TIMP3: variants seen among roughly 807,000 people sequenced by gnomAD.
The protein encoded by TIMP3 is metalloproteinase inhibitor 3.
A neutral mutation model predicts 30.0 loss-of-function variants in TIMP3; 11 were observed. The ratio of observed to expected loss-of-function variants is 0.37; its 90% confidence interval spans 0.23 to 0.61. The LOEUF is 0.61. Ranked by LOEUF, TIMP3 falls within the 20% of genes least tolerant of loss-of-function variation. The pLI is 0.70. For synonymous variants in TIMP3, 112 were observed against 111.3 expected (o/e 1.01, Z -0.04); for missense variants, 181 against 276.8 (o/e 0.65, Z 2.45).
intron 1 of TIMP3, among the ~76,000 whole-genome samples, chr22:32,820,098 G>C (rs1490886030): frequency 6.6e-6 from 1 of 152,106 alleles, no homozygotes; most frequent in Non-Finnish European, 1.5e-5. Flanking sequence ...TGAAGGTGGA[G>C]TGTAGGTGTC....
At chr22:32,816,455 C>T (rs138054245) in intron 1 of TIMP3, among the ~76,000 whole-genome samples, 1 of 152,322 alleles carries the variant, frequency 6.6e-6, no homozygotes, top group African/African-American at 2.4e-5. Flanking sequence ...TTATATGAGT[C>T]TTCCTGCAGG....
chr22:32,845,322 A>C (rs2048029401), intron 1 of TIMP3, among the ~76,000 whole-genome samples: 1 of 151,824 alleles, frequency 6.6e-6, no homozygotes, highest in Admixed American at 6.6e-5. Flanking sequence ...TCAGCCTCCC[A>C]AGTAGCTGGG....
intron 1 of TIMP3, among the ~76,000 whole-genome samples, chr22:32,802,540 G>T (rs544068930): frequency 6.6e-6 from 1 of 151,552 alleles, no homozygotes; most frequent in South Asian, 2.1e-4. Context: ...TGCCCGCCAT[G>T]TGCACGGAAA....
rs1482882646 is a variant in TIMP3, at chr22:32,857,257, A to C, written c.213A>C (p.Arg71=). The C allele has an allele frequency of 3.7e-6, 6 of 1,613,818 alleles. No individual in the cohort carries two copies. In the South Asian group the frequency reaches 6.6e-5, roughly 18 times the overall value. The part of the protein sequence containing the change: ...VYTIKQMKMY[R]GFTKMPHVQY... ...GTTCCTTTTGCCCACAGATGTACCG[A>C]GGCTTCACCAAGATGCCCCATGTGC... The change falls in exon 3 of 5, where the codon CGA becomes CGC. Residue 71 remains arginine (R), a synonymous_variant. Coordinates refer to ENST00000266085, the MANE Select transcript of TIMP3 (RefSeq NM_000362.5).
intron 1 of TIMP3, among the ~76,000 whole-genome samples, chr22:32,820,259 T>C (rs1371890074): frequency 1.3e-5 from 2 of 148,928 alleles, no homozygotes; most frequent in Non-Finnish European, 3.0e-5. Flanking sequence ...TGTGTGTGTG[T>C]GTGCGTGCGC....
chr22:32,841,690 G>A (rs2047907695), intron 1 of TIMP3, among the ~76,000 whole-genome samples: 1 of 72 alleles, frequency 0.014, no homozygotes, highest in Non-Finnish European at 0.036. Context: ...GTTGGTGGGT[G>A]GGGTAGGGGA....
intron 1 of TIMP3, among the ~76,000 whole-genome samples, chr22:32,836,733 A>G (rs1193172404): frequency 1.3e-5 from 2 of 152,166 alleles, no homozygotes; most frequent in Admixed American, 6.5e-5. Context: ...GGGCCTTCCA[A>G]ACTATGGCCC....
chr22:32,856,960 TCCA>T (rs2048386551), intron 2 of TIMP3, among the ~76,000 whole-genome samples: 1 of 152,212 alleles, frequency 6.6e-6, no homozygotes, highest in Admixed American at 6.5e-5. Context: ...GACCTCCAGT[TCCA>T]GCTGCATTGC....
intron 1 of TIMP3, among the ~76,000 whole-genome samples, chr22:32,825,623 A>T (rs1277020496): frequency 8.1e-6 from 1 of 123,222 alleles, no homozygotes; most frequent in Non-Finnish European, 1.6e-5. Context: ...ATGCCACTGC[A>T]CTCCAGCCTG....
intron 1 of TIMP3, among the ~76,000 whole-genome samples, chr22:32,814,935 T>C (rs767832139): frequency 8.5e-5 from 13 of 152,256 alleles, no homozygotes; most frequent in Non-Finnish European, 1.9e-4. Flanking sequence ...AAACCCAATA[T>C]GTATAAAATA....
At chr22:32,816,699 A>G (rs2047095354) in intron 1 of TIMP3, among the ~76,000 whole-genome samples, 1 of 152,174 alleles carries the variant, frequency 6.6e-6, no homozygotes, top group Non-Finnish European at 1.5e-5. Context: ...TAAATTTGCC[A>G]TCAGACTTGG....
chr22:32,806,113 C>A (rs1188515332), intron 1 of TIMP3, among the ~76,000 whole-genome samples: 3 of 151,874 alleles, frequency 2.0e-5, no homozygotes, highest in African/African-American at 7.3e-5. Flanking sequence ...TTCAGGGCTT[C>A]AAGACTCTTC....
At chr22:32,842,563 C>G (rs2047940606) in intron 1 of TIMP3, among the ~76,000 whole-genome samples, 1 of 152,200 alleles carries the variant, frequency 6.6e-6, no homozygotes, top group Admixed American at 6.5e-5. Flanking sequence ...TAAGAATCTA[C>G]AAGTCATCAC....
intron 1 of TIMP3, among the ~76,000 whole-genome samples, chr22:32,842,634 A>G (rs900972749): frequency 1.3e-5 from 2 of 152,224 alleles, no homozygotes; most frequent in Non-Finnish European, 2.9e-5. Context: ...ACCTTTGTAC[A>G]TATACATTGT....
At chr22:32,835,753 C>A (rs77714555) in intron 1 of TIMP3, among the ~76,000 whole-genome samples, 2,224 of 152,328 alleles carry the variant, frequency 0.015, 22 homozygotes, top group Middle Eastern at 0.051. Context: ...TACTGGACTT[C>A]TCTCTTCCTG....
At chr22:32,848,577 T>C (rs1488346967) in intron 1 of TIMP3, among the ~76,000 whole-genome samples, 7 of 152,196 alleles carry the variant, frequency 4.6e-5, no homozygotes, top group Non-Finnish European at 4.4e-5. Context: ...GGTTAGCCCA[T>C]TTCATTTTTG....
intron 1 of TIMP3, among the ~76,000 whole-genome samples, chr22:32,828,407 G>A (rs183331410): frequency 9.8e-5 from 15 of 152,304 alleles, no homozygotes; most frequent in Admixed American, 3.3e-4. Context: ...GCCATCTGCC[G>A]GCTGCTGTGT....
intron 1 of TIMP3, among the ~76,000 whole-genome samples, chr22:32,811,103 G>A (rs1283097482): frequency 6.6e-6 from 1 of 152,094 alleles, no homozygotes; most frequent in Non-Finnish European, 1.5e-5. Flanking sequence ...CAGTTGAAAG[G>A]GCACTGGGTT....
intron 1 of TIMP3, among the ~76,000 whole-genome samples, chr22:32,833,458 G>A (rs1250797781): frequency 3.3e-5 from 5 of 152,216 alleles, no homozygotes; most frequent in African/African-American, 1.2e-4. Flanking sequence ...CATGGAACAG[G>A]CTGACCTAGG....
Sources: allele counts gnomAD v4.1 joint callset (sites outside exome capture counted in the v4.1 genomes callset), GRCh38; gene constraint gnomAD v4.1.1; transcripts MANE v1.5; gene names NCBI Gene and HGNC (gene_info 2026-07-23, HGNC 2026-07-21).